The following DNM1 variants were observed in gnomAD, a reference collection of about 807,000 sequenced individuals.
DNM1 encodes dynamin-1.
Under a neutral mutation model 104.6 loss-of-function variants are expected in DNM1, and 29 were observed. The observed-to-expected ratio is 0.28, with a 90% confidence interval of 0.21 to 0.38. DNM1 has a LOEUF of 0.38. DNM1 is among the 10% of genes least tolerant of loss of function. DNM1 has a pLI of 1.00. For synonymous variants in DNM1, 445 were observed against 475.8 expected (o/e 0.94, Z 0.84); for missense variants, 640 against 1,189.4 (o/e 0.54, Z 6.79).
Position 128,224,974 on chromosome 9 carries a change from C to G in DNM1, c.1335+585C>G, listed in dbSNP as rs571539576. Among the ~76,000 whole-genome samples the G allele has an allele frequency of 6.6e-6, 1 of 152,308 alleles. No individual in the cohort carries two copies. Among genetic ancestry groups the G allele is most frequent in the South Asian group, 2.1e-4 (1 of 4,826 alleles). On this transcript the variant is annotated intron_variant, in intron 10 of 21. Coordinates refer to ENST00000372923, the MANE Select transcript of DNM1 (RefSeq NM_004408.4). This position sits in a 1 kb window ranked among gnomAD's most constrained non-coding sequence, Gnocchi z 4.3. ...GCCTCTCCCTCCCTTCCATCCACAT[C>G]TGGCTTTCCAGGGATAGAGCCCTTC...
chr9:128,247,739 G>T lies in DNM1; in HGVS notation c.1894-185G>T, dbSNP rs1341453048. On this transcript the variant is annotated intron_variant, in intron 17 of 21. Coordinates refer to ENST00000372923, the MANE Select transcript of DNM1 (RefSeq NM_004408.4). The surrounding 1 kb of genome is among the most constrained non-coding windows in gnomAD (Gnocchi z 5.1). ...TTTCCTCCATCCCCTTTCTATGATG[G>T]TAGTTTCTTGTGACTGCCTTCTCTT... Among the ~76,000 whole-genome samples the T allele has an allele frequency of 6.6e-6, 1 of 152,154 alleles. No homozygotes were observed. The highest frequency in any genetic ancestry group is 2.4e-5 in the African/African-American group (1 of 41,420).
At chr9:128,236,171 C>T (rs1347828523) in intron 11 of DNM1, among the ~76,000 whole-genome samples, 3 of 152,204 alleles carry the variant, frequency 2.0e-5, no homozygotes, top group Non-Finnish European at 4.4e-5. Context: ...TTTCTTCCTT[C>T]AATCACAAAC....
Position 128,245,730 on chromosome 9 carries a change from G to A in DNM1, c.1672-664G>A, listed in dbSNP as rs1836759441. ...CAATTGCCACACACATCCACAAAGT[G>A]TGCACACATCCACACTGAGATGCAG... is the stretch of plus-strand genomic sequence containing the variant. On this transcript the variant is annotated intron_variant, in intron 15 of 21. Coordinates refer to ENST00000372923, the MANE Select transcript of DNM1 (RefSeq NM_004408.4). This position sits in a 1 kb window ranked among gnomAD's most constrained non-coding sequence, Gnocchi z 5.2. Among the ~76,000 whole-genome samples, 1 of 152,178 alleles carries A rather than the reference G, an allele frequency of 6.6e-6. No individual in the cohort carries two copies. Among genetic ancestry groups the A allele is most frequent in the African/African-American group, 2.4e-5 (1 of 41,446 alleles).
chr9:128,243,927 G>A lies in DNM1; in HGVS notation c.1671+1582G>A, dbSNP rs1018645032. Reference sequence around the variant, plus strand: ...GTCAGCTGTGGGCTGTGGGTGCTGGGAGGCGGGGTGTGTTTGTGTGTGTGT... The same window carrying A: ...GTCAGCTGTGGGCTGTGGGTGCTGGAAGGCGGGGTGTGTTTGTGTGTGTGT... On this transcript the variant is annotated intron_variant, in intron 15 of 21. Transcript: ENST00000372923. The surrounding 1 kb of genome is among the most constrained non-coding windows in gnomAD (Gnocchi z 4.0). Among the ~76,000 whole-genome samples the A allele has an allele frequency of 4.0e-5, 6 of 149,938 alleles. No individual in the cohort carries two copies. Among genetic ancestry groups the A allele is most frequent in the Non-Finnish European group, 7.4e-5 (5 of 67,654 alleles).
At chr9:128,239,540 T>TGA in intron 12 of DNM1, 25 bp downstream of exon 12, 3 of 1,595,106 alleles carry the variant, frequency 1.9e-6, no homozygotes, top group Non-Finnish European at 2.6e-6. Flanking sequence ...AGGCAAAAAG[T>TGA]GAGTGCTCCC....
chr9:128,226,718 G>A (rs919517770), intron 10 of DNM1, among the ~76,000 whole-genome samples: 1 of 152,208 alleles, frequency 6.6e-6, no homozygotes, highest in Non-Finnish European at 1.5e-5. Flanking sequence ...TAATCCGTGC[G>A]TGAGAGACAG....
At chr9:128,252,174 G>C in intron 21 of DNM1, 1 of 215,614 alleles carries the variant, frequency 4.6e-6, no homozygotes, top group Non-Finnish European at 9.3e-6. Context: ...GGAGACAGTG[G>C]CTATAGGGAT....
intron 1 of DNM1, among the ~76,000 whole-genome samples, chr9:128,208,897 G>A (rs1253434951): frequency 6.6e-6 from 1 of 152,110 alleles, no homozygotes; most frequent in African/African-American, 2.4e-5. Flanking sequence ...GCCAAGGTGT[G>A]GACTTCCGCA....
At position 128,218,317 on chromosome 9, in the gene DNM1, C is replaced by A; in HGVS notation, c.235+13C>A. The stretch of plus-strand genomic sequence containing the variant: ...AATGCAACCACAGGTACGTGCCCTC[C>A]TTCACCAGCAGCCAGGCCTGCCCAC... On this transcript the variant is annotated intron_variant, in intron 2 of 21. Transcript: ENST00000372923. The surrounding 1 kb of genome is among the most constrained non-coding windows in gnomAD (Gnocchi z 4.8). 6.2e-7 allele frequency: 1 copy of A among 1,614,008 alleles called. No individual in the cohort carries two copies. The highest frequency in any genetic ancestry group is 8.5e-7 in the Non-Finnish European group (1 of 1,179,872).
chr9:128,245,156 T>C lies in DNM1; in HGVS notation c.1672-1238T>C, dbSNP rs1426315404. The C allele has an allele frequency of 5.8e-6, 1 of 171,488 alleles. No individual in the cohort carries two copies. Among genetic ancestry groups the C allele is most frequent in the East Asian group, 1.6e-4 (1 of 6,212 alleles). 10.6% of individuals were successfully genotyped at this position (171,488 alleles called of 1,614,324 possible). On this transcript the variant is annotated intron_variant, in intron 15 of 21. Transcript: ENST00000372923. This position sits in a 1 kb window ranked among gnomAD's most constrained non-coding sequence, Gnocchi z 5.2. ...CTCTCGAACGGTTCCAGATGTTCCC[T>C]GGCCGTGTGTGCAACTTCCTCCTCT... is the stretch of plus-strand genomic sequence containing the variant.
chr9:128,206,196 A>T (rs1833958191), intron 1 of DNM1, among the ~76,000 whole-genome samples: 1 of 151,882 alleles, frequency 6.6e-6, no homozygotes, highest in Admixed American at 6.6e-5. Flanking sequence ...GCCAATCCCC[A>T]ACAGAAAATG....
chr9:128,236,287 G>T (rs1486153921), intron 11 of DNM1, among the ~76,000 whole-genome samples: 1 of 152,122 alleles, frequency 6.6e-6, no homozygotes, highest in Non-Finnish European at 1.5e-5. Flanking sequence ...ATCCCTGTCT[G>T]CCATGCCCCT....
rs375606829 is a variant in DNM1 at position 128,222,374 on chromosome 9, G to T, written c.992+35G>T. 5 of 1,607,676 alleles carry T rather than the reference G, an allele frequency of 3.1e-6. No individual in the cohort carries two copies. The highest frequency in any genetic ancestry group is 2.7e-5 in the African/African-American group (2 of 74,730). ...CCCCAGCTCCTATCACTGAATCCCC[G>T]CCCCCAGCCTCTCAGCGTGGGGCTC... is the stretch of plus-strand genomic sequence containing the variant. On this transcript the variant is annotated intron_variant, in intron 7 of 21. Transcript: ENST00000372923. The surrounding 1 kb of genome is among the most constrained non-coding windows in gnomAD (Gnocchi z 7.8).
chr9:128,231,869 C>A, intron 10 of DNM1: 1 of 360,090 alleles, frequency 2.8e-6, no homozygotes. Flanking sequence ...CAGCGGCTGG[C>A]TTTGAACCCA....
In DNM1 at chr9:128,248,563, C is replaced by T. The variant is rs1284100485; in HGVS notation, c.1906-20C>T. 9.3e-5 allele frequency: 149 copies of T among 1,608,734 alleles called. No homozygotes were observed. Among genetic ancestry groups the T allele is most frequent in the Non-Finnish European group, 1.2e-4 (143 of 1,175,908 alleles). ...GCTGCATGGCCTGGCCACCTGATGC[C>T]CTTGTGTTCTCCATGGCAGGCCAGC... On this transcript the variant is annotated intron_variant, in intron 18 of 21. Coordinates refer to ENST00000372923, the MANE Select transcript of DNM1 (RefSeq NM_004408.4). This position sits in a 1 kb window ranked among gnomAD's most constrained non-coding sequence, Gnocchi z 5.6.
chr9:128,253,190 A>G lies in DNM1; in HGVS notation c.2535-1464A>G. 16 of 1,568,818 alleles carry G rather than the reference A, an allele frequency of 1.0e-5. No homozygotes were observed. The highest frequency in any genetic ancestry group is 1.3e-5 in the Non-Finnish European group (15 of 1,153,652). On this transcript the variant is annotated intron_variant, in intron 21 of 21. Coordinates refer to ENST00000372923, the MANE Select transcript of DNM1 (RefSeq NM_004408.4). This position sits in a 1 kb window ranked among gnomAD's most constrained non-coding sequence, Gnocchi z 5.9. ...ATGAACGGTGTGTCTGCCCCGCTGC[A>G]CTAGCTCCACACGGGGCGCGCACCT...
chr9:128,210,782 C>T (rs548355733), intron 1 of DNM1, among the ~76,000 whole-genome samples: 1 of 152,250 alleles, frequency 6.6e-6, no homozygotes, highest in East Asian at 1.9e-4. Context: ...TTCCATGTTT[C>T]TGTCTACCCT....
At chr9:128,216,678 G>A (rs1463531292) in intron 1 of DNM1, among the ~76,000 whole-genome samples, 3 of 152,164 alleles carry the variant, frequency 2.0e-5, no homozygotes, top group African/African-American at 7.2e-5. Flanking sequence ...CTTCAAGAGG[G>A]GGCTTTGAAC....
Position 128,250,847 on chromosome 9 carries a change from C to A in DNM1, c.2441C>A (p.Pro814His). The A allele has an allele frequency of 1.5e-6, 2 of 1,301,634 alleles. No individual in the cohort carries two copies. The highest frequency in any genetic ancestry group is 9.7e-7 in the Non-Finnish European group (1 of 1,032,762). 80.6% of individuals were successfully genotyped at this position (1,301,634 alleles called of 1,614,324 possible). A position where few individuals can be genotyped will look rare whatever the true frequency, so the allele number is the denominator to read the frequency against. The change falls in exon 21 of 22, where the codon CCC (proline) becomes CAC (histidine). Residue 814 changes from proline to histidine, a missense_variant. This residue lies in a region of DNM1 where 129 missense variants were observed against 224.6 expected (regional missense o/e 0.57). Transcript: ENST00000372923. The stretch of plus-strand genomic sequence containing the variant: ...GGGTCCGCCCTGGGGGGGGCGCCCC[C>A]CGTGCCCTCCAGGCCGGGGGCTTCC... The part of the protein sequence containing the change: ...PAGSALGGAP[P>H]VPSRPGASPD...
Sources: allele counts gnomAD v4.1 joint callset (sites outside exome capture counted in the v4.1 genomes callset), GRCh38; gene constraint gnomAD v4.1.1; regional missense constraint gnomAD v4.1.1; non-coding constraint Gnocchi (gnomAD v3.1); transcripts MANE v1.5; gene names NCBI Gene and HGNC (gene_info 2026-07-23, HGNC 2026-07-21).